Variants in MAOB observed in about 807,000 individuals in gnomAD.
The protein encoded by MAOB is amine oxidase [flavin-containing] B.
A neutral mutation model predicts 41.9 loss-of-function variants in MAOB; 15 were observed. The ratio of observed to expected loss-of-function variants is 0.36; its 90% CI spans 0.24 to 0.55. MAOB has a LOEUF of 0.55. Ranked by LOEUF, MAOB falls within the 20% of genes least tolerant of loss-of-function variation. The pLI, the probability that MAOB is intolerant of heterozygous loss-of-function variation, is 0.86. For missense variants in MAOB, 345 were observed against 398.7 expected, an observed-to-expected ratio of 0.87 and a Z score of 1.15; for synonymous variants, 167 against 144.2, an observed-to-expected ratio of 1.16 and a Z score of -1.13.
At chrX:43,839,843 G>T (rs1370413624) in intron 2 of MAOB, among the ~76,000 whole-genome samples, 2 of 111,915 alleles carry the variant, frequency 1.8e-5, no homozygotes, top group Non-Finnish European at 3.8e-5. Flanking sequence ...TACGTAAAAG[G>T]CACTCTTATA....
chrX:43,853,867 C>A (rs769557530), intron 1 of MAOB, among the ~76,000 whole-genome samples: 2 of 112,349 alleles, frequency 1.8e-5, no homozygotes, highest in African/African-American at 6.5e-5. Flanking sequence ...TGATCTTGGG[C>A]TTCCAGCCTC....
chrX:43,811,613 G>T (rs998872713), intron 3 of MAOB, among the ~76,000 whole-genome samples: 68 of 112,102 alleles, frequency 6.1e-4, no homozygotes, highest in African/African-American at 2.1e-3. Context: ...CCTGCAAATT[G>T]TAGTTGGGCA....
At chrX:43,785,661 C>T (rs1187165046) in intron 8 of MAOB, among the ~76,000 whole-genome samples, 1 of 112,205 alleles carries the variant, frequency 8.9e-6, no homozygotes, top group East Asian at 2.8e-4. Context: ...AAGAGATGTG[C>T]AGCACTTTCT....
At chrX:43,778,618 G>T in intron 11 of MAOB, 64 bp downstream of exon 11, 1 of 934,147 alleles carries the variant, frequency 1.1e-6, no homozygotes, top group Non-Finnish European at 1.5e-6. Context: ...ACCTATCCCT[G>T]CTAGTCACTT....
At chrX:43,803,545 G>T in intron 3 of MAOB, 141 bp from the exon 4 acceptor site, 1 of 869,111 alleles carries the variant, frequency 1.2e-6, no homozygotes. Flanking sequence ...AGCTCCTTGT[G>T]TCCTCAGAAC....
intron 12 of MAOB, 33 bp downstream of exon 12, chrX:43,775,141 AT>A (rs749788160): frequency 1.2e-5 from 13 of 1,087,704 alleles, no homozygotes; most frequent in Middle Eastern, 2.6e-4. Context: ...GGTGCAGGGG[AT>A]TTCTGTAACA....
In MAOB at chrX:43,797,174, T is replaced by C; in HGVS notation, c.569A>G (p.Lys190Arg). ...VSALWFLWYV[K>R]QCGGTTRIIS... ...GATTCTTGTTGTGCCTCCACACTGC[T>C]TCACATACCACAGGAACCAGAGAGC... The change falls in exon 6 of 15, where the codon AAG becomes AGG. Residue 190 changes from lysine to arginine, a missense_variant. Physicochemically the swap from Lys to Arg is conservative, Grantham distance 26. Coordinates refer to ENST00000378069, the MANE Select transcript of MAOB (RefSeq NM_000898.5). 8.3e-7 allele frequency: 1 copy of C among 1,208,527 alleles called. No homozygotes were observed. The highest frequency in any genetic ancestry group is 1.7e-5 in the African/African-American group (1 of 57,708).
At chrX:43,859,358 C>T (rs2035317677) in intron 1 of MAOB, among the ~76,000 whole-genome samples, 1 of 111,647 alleles carries the variant, frequency 9.0e-6, no homozygotes, top group African/African-American at 3.3e-5. Context: ...TTAAGGCCAC[C>T]GTATTTGACA....
At chrX:43,824,475 G>A (rs1170116360) in intron 3 of MAOB, among the ~76,000 whole-genome samples, 2 of 111,800 alleles carry the variant, frequency 1.8e-5, no homozygotes, top group African/African-American at 6.5e-5. Flanking sequence ...CCTGAGGTCA[G>A]GAGTTCGAGA....
At chrX:43,867,593 T>C (rs1328094081) in intron 1 of MAOB, among the ~76,000 whole-genome samples, 1 of 112,361 alleles carries the variant, frequency 8.9e-6, no homozygotes, top group African/African-American at 3.2e-5. Flanking sequence ...TCACTTAATG[T>C]GTGAATTATA....
chrX:43,839,229 C>T (rs922666026), intron 2 of MAOB, among the ~76,000 whole-genome samples: 1 of 111,783 alleles, frequency 8.9e-6, no homozygotes, highest in Middle Eastern at 4.2e-3. Flanking sequence ...TAGGCAAGAG[C>T]TTCTAAACCT....
intron 7 of MAOB, 95 bp from the exon 8 acceptor site, chrX:43,793,673 G>T: frequency 1.3e-6 from 1 of 745,090 alleles, no homozygotes; most frequent in Non-Finnish European, 2.0e-6. Flanking sequence ...ATTCTTTTCA[G>T]TCTCTTAAAG....
At chrX:43,837,704 G>T (rs923057428) in intron 3 of MAOB, among the ~76,000 whole-genome samples, 2 of 112,143 alleles carry the variant, frequency 1.8e-5, no homozygotes, top group Admixed American at 9.4e-5. Flanking sequence ...ATTGACCGTT[G>T]CTAGTTTCTT....
intron 5 of MAOB, among the ~76,000 whole-genome samples, chrX:43,798,073 A>G (rs1468640862): frequency 8.9e-6 from 1 of 111,887 alleles, no homozygotes; most frequent in East Asian, 2.8e-4. Context: ...TGGCTTCCAT[A>G]TTCCCAGCAT....
intron 12 of MAOB, among the ~76,000 whole-genome samples, chrX:43,771,323 G>C (rs2034179850): frequency 8.9e-6 from 1 of 112,013 alleles, no homozygotes; most frequent in African/African-American, 3.2e-5. Flanking sequence ...CTTTCTGTTA[G>C]ATGATTATGC....
At chrX:43,857,322 C>T (rs1054260675) in intron 1 of MAOB, among the ~76,000 whole-genome samples, 9 of 105,842 alleles carry the variant, frequency 8.5e-5, no homozygotes, top group African/African-American at 2.8e-4. Flanking sequence ...CTGGAATTAC[C>T]GGCATGCACC....
At chrX:43,823,307 G>T (rs1215212272) in intron 3 of MAOB, among the ~76,000 whole-genome samples, 2 of 107,407 alleles carry the variant, frequency 1.9e-5, no homozygotes, top group Non-Finnish European at 3.8e-5. Flanking sequence ...CAAGTAATTG[G>T]GATTACAGGT....
intron 3 of MAOB, among the ~76,000 whole-genome samples, chrX:43,824,599 C>G (rs2034922102): frequency 9.0e-6 from 1 of 111,659 alleles, no homozygotes; most frequent in African/African-American, 3.3e-5. Flanking sequence ...AGGAGAATTG[C>G]TTGAACCTGG....
chrX:43,835,486 A>G (rs2035061629), intron 3 of MAOB, among the ~76,000 whole-genome samples: 1 of 112,280 alleles, frequency 8.9e-6, no homozygotes, highest in Non-Finnish European at 1.9e-5. Context: ...TTAAATCCCA[A>G]TATAGTTTGG....
Sources: allele counts gnomAD v4.1 joint callset (sites outside exome capture counted in the v4.1 genomes callset), GRCh38; gene constraint gnomAD v4.1.1; transcripts MANE v1.5; gene names NCBI Gene and HGNC (gene_info 2026-07-23, HGNC 2026-07-21).